The following CDH4 variants were observed in gnomAD, a reference collection of about 807,000 sequenced individuals.
CDH4 encodes the protein cadherin-4.
CDH4 carries 33 observed loss-of-function variants against 86.0 expected under a neutral mutation model. The observed-to-expected ratio is 0.38, with a 90% confidence interval of 0.29 to 0.51. The LOEUF is 0.51. CDH4 is among the 20% of genes least tolerant of loss of function. CDH4 has a pLI of 0.86. For synonymous variants in CDH4, 555 were observed against 549.4 expected, an observed-to-expected ratio of 1.01 and a Z score of -0.14; for missense variants, 1,114 against 1,307.4, an observed-to-expected ratio of 0.85 and a Z score of 2.28.
At chr20:61,914,569 A>G (rs1020730154) in intron 9 of CDH4, among the ~76,000 whole-genome samples, 1 of 147,606 alleles carries the variant, frequency 6.8e-6, no homozygotes, top group East Asian at 2.0e-4. Context: ...ATAACCCTGG[A>G]ATCGACTCAG....
chr20:61,303,813 G>A (rs575451328), intron 2 of CDH4, among the ~76,000 whole-genome samples: 1 of 152,216 alleles, frequency 6.6e-6, no homozygotes, highest in African/African-American at 2.4e-5. Context: ...AGGAGCCCAC[G>A]GAAGTCCAGT....
intron 2 of CDH4, among the ~76,000 whole-genome samples, chr20:61,443,575 C>T (rs531613202): frequency 2.0e-5 from 3 of 152,214 alleles, no homozygotes; most frequent in South Asian, 2.1e-4. Flanking sequence ...TACCTGGAGT[C>T]GGAACACGAC....
At chr20:61,832,904 C>G (rs184398149) in intron 4 of CDH4, among the ~76,000 whole-genome samples, 1 of 152,118 alleles carries the variant, frequency 6.6e-6, no homozygotes, top group South Asian at 2.1e-4. Context: ...GATGCTATTA[C>G]TAGTACTGTC....
intron 2 of CDH4, among the ~76,000 whole-genome samples, chr20:61,586,486 G>A (rs564996875): frequency 1.3e-5 from 2 of 152,334 alleles, no homozygotes; most frequent in South Asian, 4.1e-4. Context: ...GCCAGGGAGT[G>A]CCTGAGGGGG....
chr20:61,557,852 C>T (rs1018461355), intron 2 of CDH4, among the ~76,000 whole-genome samples: 2 of 150,892 alleles, frequency 1.3e-5, no homozygotes, highest in African/African-American at 2.4e-5. Context: ...AATGACGCGG[C>T]GCTGGATTTT....
intron 2 of CDH4, among the ~76,000 whole-genome samples, chr20:61,578,321 G>T (rs1242759553): frequency 6.6e-6 from 1 of 152,182 alleles, no homozygotes; most frequent in African/African-American, 2.4e-5. Context: ...GCAGACCCAG[G>T]TAATCTAAGG....
At chr20:61,841,941 G>A (rs1247212780) in intron 4 of CDH4, among the ~76,000 whole-genome samples, 3 of 152,202 alleles carry the variant, frequency 2.0e-5, no homozygotes, top group African/African-American at 7.2e-5. Flanking sequence ...CAGCCTTGGG[G>A]TGGCCGGTGT....
chr20:61,520,494 A>AG (rs1466904344), intron 2 of CDH4, among the ~76,000 whole-genome samples: 1 of 152,214 alleles, frequency 6.6e-6, no homozygotes, highest in Non-Finnish European at 1.5e-5. Context: ...GTGTGTGTCA[A>AG]GGGAGCTGTC....
At chr20:61,728,232 A>G (rs2145922022) in intron 2 of CDH4, among the ~76,000 whole-genome samples, 1 of 152,280 alleles carries the variant, frequency 6.6e-6, no homozygotes, top group East Asian at 1.9e-4. Flanking sequence ...CTTAACATCT[A>G]AGCATAACCA....
chr20:61,299,438 G>A (rs1343201848), intron 2 of CDH4, among the ~76,000 whole-genome samples: 3 of 152,150 alleles, frequency 2.0e-5, no homozygotes, highest in African/African-American at 7.2e-5. Flanking sequence ...ACTTTGTTAT[G>A]GCAGCCACGG....
Position 61,920,986 on chromosome 20 carries a change from TGTG to T in CDH4, c.1375-2461_1375-2459del, listed in dbSNP as rs1257085481. ...GCATGTCATGGTGATTGCGTGGAAGTGTGGTGTCGTGATTGCATGGAAGCGTTG... is the reference window on the plus strand; with the variant it reads ...GCATGTCATGGTGATTGCGTGGAAGTGTGTCGTGATTGCATGGAAGCGTTG... On this transcript the variant is annotated intron_variant, in intron 9 of 15. Transcript: ENST00000614565. Among the ~76,000 whole-genome samples, 601 of 123,432 alleles carry T rather than the reference TGTG, an allele frequency of 4.9e-3. 9 individuals are homozygous for T. The highest frequency in any genetic ancestry group is 0.018 in the African/African-American group (561 of 31,216). 81.0% of individuals were successfully genotyped at this position (123,432 alleles called of 152,430 possible).
intron 4 of CDH4, among the ~76,000 whole-genome samples, chr20:61,820,577 G>A (rs1390040892): frequency 6.6e-6 from 1 of 152,250 alleles, no homozygotes; most frequent in Non-Finnish European, 1.5e-5. Flanking sequence ...GAGCAGAGGG[G>A]AGCTGAGGCG....
intron 2 of CDH4, among the ~76,000 whole-genome samples, chr20:61,565,083 GTGGTGCTCTTGGTGGTGCTCT>G (rs1297204206): frequency 9.9e-5 from 13 of 131,000 alleles, no homozygotes; most frequent in African/African-American, 3.4e-4. Context: ...GGTGGTGGTG[GTGGTGCTCTTGGTGGTGCTCT>G]TGGTGGTGCT....
chr20:61,636,929 G>C (rs902954580), intron 2 of CDH4, among the ~76,000 whole-genome samples: 2 of 152,180 alleles, frequency 1.3e-5, no homozygotes, highest in Non-Finnish European at 2.9e-5. Flanking sequence ...CACCTCCCCT[G>C]ATGGTCCCCT....
chr20:61,567,513 C>A (rs929823040), intron 2 of CDH4, among the ~76,000 whole-genome samples: 1 of 152,232 alleles, frequency 6.6e-6, no homozygotes, highest in Non-Finnish European at 1.5e-5. Context: ...GGGCTCCACC[C>A]TGGGCCCCTT....
Position 61,565,183 on chromosome 20 carries a change from GGTGGTCCTCTTGGTGGTGGTC to G in CDH4, c.170-178378_170-178358del, listed in dbSNP as rs1361483351. On this transcript the variant is annotated intron_variant, in intron 2 of 15. Coordinates refer to ENST00000614565, the MANE Select transcript of CDH4 (RefSeq NM_001794.5). ...CTCTTGGTGATGGGGTGGTGGTGGT[GGTGGTCCTCTTGGTGGTGGTC>G]GCGGTGCTCTCGGTGGTAGGTGGTG... Among the ~76,000 whole-genome samples, 38 of 100,502 alleles carry G rather than the reference GGTGGTCCTCTTGGTGGTGGTC, an allele frequency of 3.8e-4. 2 individuals are homozygous for G. Among genetic ancestry groups the G allele is most frequent in the Non-Finnish European group, 6.0e-4 (28 of 46,746 alleles). The allele number at this position is 100,502 out of a possible 152,430, so 65.9% of individuals were successfully genotyped here. A position where few individuals can be genotyped will look rare whatever the true frequency, so the allele number is the denominator to read the frequency against.
chr20:61,809,810 A>T (rs565258594), intron 4 of CDH4, among the ~76,000 whole-genome samples: 1 of 152,216 alleles, frequency 6.6e-6, no homozygotes, highest in South Asian at 2.1e-4. Context: ...ACCAACAAGT[A>T]CCTGAGACAA....
chr20:61,505,124 G>A (rs538587175), intron 2 of CDH4, among the ~76,000 whole-genome samples: 7 of 152,218 alleles, frequency 4.6e-5, no homozygotes, highest in Non-Finnish European at 1.0e-4. Flanking sequence ...TGTCTGGGAA[G>A]GGAGGTGGGT....
intron 2 of CDH4, among the ~76,000 whole-genome samples, chr20:61,575,103 C>T (rs2086372855): frequency 1.3e-5 from 2 of 152,142 alleles, no homozygotes; most frequent in South Asian, 2.1e-4. Context: ...GAATTCAAAG[C>T]GGCCAACACA....
Sources: gnomAD v4.1 joint callset for allele counts (sites outside exome capture counted in the v4.1 genomes callset) on GRCh38, gnomAD v4.1.1 for gene constraint, MANE v1.5 for transcripts, NCBI Gene and HGNC (gene_info 2026-07-23, HGNC 2026-07-21) for gene names.